The following TRAT1 variants were observed in gnomAD, a reference collection of about 807,000 sequenced individuals.
TRAT1 encodes T-cell receptor-associated transmembrane adapter 1.
In TRAT1, 20 loss-of-function variants were observed where a neutral mutation model predicts 20.0. That is an observed-to-expected ratio of 1.00 (90% confidence interval 0.70 to 1.45). The LOEUF is 1.45. TRAT1 is among the 40% of genes most tolerant of loss of function. The probability of loss-of-function intolerance (pLI) is 0.00; values close to 1 mark genes in which losing one functional copy is unlikely to be tolerated. For missense variants in TRAT1, 237 were observed against 224.1 expected, an observed-to-expected ratio of 1.06 and a Z score of -0.37; for synonymous variants, 77 against 74.2, an observed-to-expected ratio of 1.04 and a Z score of -0.20.
intron 1 of TRAT1, among the ~76,000 whole-genome samples, 154 bp downstream of exon 1, chr3:108,823,088 T>C (rs1000775354): frequency 7.3e-5 from 11 of 150,308 alleles, no homozygotes; most frequent in Admixed American, 6.0e-4. Context: ...TTGAAACATG[T>C]TAATGAGTAT....
At position 108,833,799 on chromosome 3, in the gene TRAT1, T is replaced by TACAC. The variant is rs3054303; in HGVS notation, c.118+3049_118+3052dup. Among the ~76,000 whole-genome samples the TACAC allele has an allele frequency of 0.02, 2,968 of 146,698 alleles. 173 individuals are homozygous for TACAC. In the East Asian group the frequency reaches 0.22, roughly 11 times the overall value. ...TAGACCCTAGGGTTCTTGTAAGAAT[T>TACAC]ACACACACACACACACACACACACA... On this transcript the variant is annotated intron_variant, in intron 2 of 5. Transcript: ENST00000295756.
intron 5 of TRAT1, 146 bp downstream of exon 5, chr3:108,849,400 G>A: frequency 3.3e-6 from 2 of 613,818 alleles, no homozygotes; most frequent in South Asian, 2.3e-5. Context: ...TCAGGGTCAT[G>A]TAAACAGAAC....
chr3:108,843,524 G>A (rs991656394), intron 3 of TRAT1, among the ~76,000 whole-genome samples: 46 of 152,032 alleles, frequency 3.0e-4, no homozygotes, highest in Non-Finnish European at 1.3e-4. Flanking sequence ...GCAAGACTCC[G>A]TCTCAAAAAA....
At chr3:108,844,793 G>A (rs574278606) in intron 3 of TRAT1, among the ~76,000 whole-genome samples, 132 of 130,150 alleles carry the variant, frequency 1.0e-3, no homozygotes, top group African/African-American at 4.0e-3. Context: ...GCAGTGAGCC[G>A]AGATTGCGCC....
intron 1 of TRAT1, among the ~76,000 whole-genome samples, chr3:108,829,802 G>A (rs569281590): frequency 1.7e-4 from 26 of 152,242 alleles, no homozygotes; most frequent in Non-Finnish European, 2.4e-4. Context: ...TAGAAAAGTA[G>A]AGCAATACAA....
intron 2 of TRAT1, among the ~76,000 whole-genome samples, chr3:108,836,771 C>G (rs1945845917): frequency 6.6e-6 from 1 of 152,206 alleles, no homozygotes; most frequent in Admixed American, 6.5e-5. Flanking sequence ...ATAAATTGAG[C>G]ACCAGAGCTT....
At chr3:108,853,080 T>C (rs576210942) in intron 5 of TRAT1, among the ~76,000 whole-genome samples, 1 of 152,310 alleles carries the variant, frequency 6.6e-6, no homozygotes, top group East Asian at 1.9e-4. Flanking sequence ...GATAAGAAAT[T>C]TAGTTATTTG....
At chr3:108,849,076 G>A (rs2715716) in intron 4 of TRAT1, 90 bp from the exon 5 acceptor site, 612,215 of 1,119,544 alleles carry the variant, frequency 0.55, 171,503 homozygotes, top group East Asian at 0.89. Context: ...GTTTATATTT[G>A]CAGCCAAATG....
chr3:108,847,112 T>C lies in TRAT1; in HGVS notation c.197T>C (p.Leu66Ser), dbSNP rs1290281762. ...YIEDTPIYGN[L>S]DDMISEPMDE... is the part of the protein sequence containing the mutation. The stretch of plus-strand genomic sequence containing the variant: ...GAAGACACACCAATTTATGGTAACT[T>C]AGATGATATGATTTCAGGTAAGTTT... Residue 66 changes from leucine (L) to serine (S), a missense_variant, in exon 4 of 6, where the codon TTA (leucine) becomes TCA (serine). Coordinates refer to ENST00000295756, the MANE Select transcript of TRAT1 (RefSeq NM_016388.4). 4.5e-6 allele frequency: 7 copies of C among 1,545,364 alleles called. No individual in the cohort carries two copies. The highest frequency in any genetic ancestry group is 1.2e-5 in the South Asian group (1 of 85,920).
intron 3 of TRAT1, chr3:108,839,324 C>T: frequency 4.5e-6 from 1 of 221,254 alleles, no homozygotes; most frequent in Non-Finnish European, 8.8e-6. Context: ...ATCTGGCAAC[C>T]TAATACAATT....
At position 108,854,796 on chromosome 3, in the gene TRAT1, A is replaced by G. The variant is rs1479332531; in HGVS notation, c.*919A>G. ...AAATAATTTTAATGACTTTTCAAAA[A>G]CAATTTATTGATGCAAAAAGCAAGG... On this transcript the variant is annotated 3_prime_UTR_variant, in exon 6 of 6. Transcript: ENST00000295756. 6.6e-6 allele frequency: 1 copy of G among 152,174 alleles called. No individual in the cohort carries two copies. Among genetic ancestry groups the G allele is most frequent in the Non-Finnish European group, 1.5e-5 (1 of 67,996 alleles). 9.4% of individuals were successfully genotyped at this position (152,174 alleles called of 1,614,324 possible).
intron 3 of TRAT1, chr3:108,839,267 C>A: frequency 2.8e-6 from 1 of 359,024 alleles, no homozygotes; most frequent in Non-Finnish European, 5.0e-6. Flanking sequence ...TATGATCCAG[C>A]TTAGATACAG....
intron 1 of TRAT1, among the ~76,000 whole-genome samples, chr3:108,823,728 A>C (rs756512204): frequency 7.2e-5 from 11 of 152,204 alleles, no homozygotes; most frequent in Non-Finnish European, 1.5e-4. Flanking sequence ...TACATAATAT[A>C]TCCAGCTTTT....
chr3:108,838,350 G>GAT lies in TRAT1; in HGVS notation c.119-582_119-581dup, dbSNP rs1945857991. ...GATAGATAGATAGATGATAGATATAGATAGATGATAGATAGATAGATAGAT... is the reference window on the plus strand; with the variant it reads ...GATAGATAGATAGATGATAGATATAGATATAGATGATAGATAGATAGATAGAT... On this transcript the variant is annotated intron_variant, in intron 2 of 5. Transcript: ENST00000295756. 1.9e-4 allele frequency among the ~76,000 whole-genome samples: 7 copies of GAT among 37,236 alleles called. No homozygotes were observed. The African/African-American group carries it at 3.0e-3, about 16-fold the overall frequency. 24.4% of individuals were successfully genotyped at this position (37,236 alleles called of 152,430 possible).
At chr3:108,847,302 A>T in intron 4 of TRAT1, 173 bp downstream of exon 4, 1 of 499,204 alleles carries the variant, frequency 2.0e-6, no homozygotes. Context: ...TGCATATTGT[A>T]AGTTGTATTA....
At chr3:108,825,432 A>C (rs1290803650) in intron 1 of TRAT1, among the ~76,000 whole-genome samples, 4 of 152,032 alleles carry the variant, frequency 2.6e-5, no homozygotes, top group Non-Finnish European at 5.9e-5. Context: ...TTTTTAAAAA[A>C]AAGGAGTCTC....
rs180960125 is a variant in TRAT1, at chr3:108,844,959, T to C, written c.153-2109T>C. ...ATTTTTCTTAATTTTGGAGTGTCAG[T>C]AAATGTACTTACTGGTTAGAGAATT... On this transcript the variant is annotated intron_variant, in intron 3 of 5. Coordinates refer to ENST00000295756, the MANE Select transcript of TRAT1 (RefSeq NM_016388.4). Among the ~76,000 whole-genome samples, 146 of 152,038 alleles carry C rather than the reference T, an allele frequency of 9.6e-4. 1 individual carries two copies. The highest frequency in any genetic ancestry group is 7.0e-4 in the African/African-American group (29 of 41,448).
Position 108,854,003 on chromosome 3 carries a change from G to A in TRAT1, c.*126G>A, listed in dbSNP as rs568346253. 3.5e-6 allele frequency: 3 copies of A among 845,878 alleles called. No homozygotes were observed. The African/African-American group carries it at 5.1e-5, about 14-fold the overall frequency. The allele number at this position is 845,878 out of a possible 1,614,324, so 52.4% of individuals were successfully genotyped here. A position where few individuals can be genotyped will look rare whatever the true frequency, so the allele number is the denominator to read the frequency against. ...GACCTGATCATTTGTTGATGGGATG[G>A]TGGCTTACCTCTTATTCACAGCTTA... On this transcript the variant is annotated 3_prime_UTR_variant, in exon 6 of 6. Transcript: ENST00000295756.
intron 3 of TRAT1, chr3:108,839,215 A>C (rs1042686646): frequency 1.4e-5 from 7 of 487,330 alleles, no homozygotes; most frequent in Non-Finnish European, 2.2e-5. Context: ...TAACCTGATA[A>C]CTATAGAATT....
Sources: allele counts gnomAD v4.1 joint callset (sites outside exome capture counted in the v4.1 genomes callset), GRCh38; gene constraint gnomAD v4.1.1; transcripts MANE v1.5; gene names NCBI Gene and HGNC (gene_info 2026-07-23, HGNC 2026-07-21).